The following PHACTR2 variants were observed in gnomAD, a reference collection of about 807,000 sequenced individuals.
PHACTR2 encodes the protein phosphatase and actin regulator 2.
Under a neutral mutation model 76.0 loss-of-function variants are expected in PHACTR2, and 30 were observed. The observed-to-expected ratio is 0.39, with a 90% confidence interval of 0.30 to 0.54. The LOEUF is 0.54. PHACTR2 is among the 20% of genes least tolerant of loss of function. The pLI, the probability that PHACTR2 is intolerant of heterozygous loss-of-function variation, is 0.61. For synonymous variants in PHACTR2, 292 were observed against 292.5 expected (o/e 1.00, Z 0.02); for missense variants, 696 against 781.1 (o/e 0.89, Z 1.30).
chr6:143,677,300 A>G (rs1003651071), upstream of PHACTR2, among the ~76,000 whole-genome samples: 1 of 152,134 alleles, frequency 6.6e-6, no homozygotes, highest in Non-Finnish European at 1.5e-5. Context: ...ATTTGTATTC[A>G]TATTTTTAAG....
intron 10 of PHACTR2, among the ~76,000 whole-genome samples, chr6:143,786,287 C>T (rs1775556255): frequency 6.6e-6 from 1 of 152,222 alleles, no homozygotes; most frequent in Non-Finnish European, 1.5e-5. Flanking sequence ...TTTGCTAAAA[C>T]ATAATAAGAG....
rs368126366 is a variant in PHACTR2 at position 143,760,433 on chromosome 6, G to A, written c.487G>A (p.Ala163Thr). 308 of 1,613,112 alleles carry A rather than the reference G, an allele frequency of 1.9e-4. 1 individual carries two copies. Among genetic ancestry groups the A allele is most frequent in the Non-Finnish European group, 2.5e-4 (291 of 1,179,480 alleles). The stretch of plus-strand genomic sequence containing the variant: ...TGAAAACCACTCTGAAACACCGGCA[G>A]CTCCTGCTCTACCTCCTTCTGCTCC... The part of the protein sequence containing the change: ...NTENHSETPA[A>T]PALPPSAPPK... Residue 163 changes from alanine (A) to threonine (T), a missense_variant, in exon 5 of 13, where the codon GCT becomes ACT. By Grantham distance (58) the Ala-to-Thr change is moderately conservative. Coordinates refer to ENST00000440869, the MANE Select transcript of PHACTR2 (RefSeq NM_001100164.2). This position sits in a 1 kb window ranked among gnomAD's most constrained non-coding sequence, Gnocchi z 6.4.
At position 143,803,416 on chromosome 6, in the gene PHACTR2, C is replaced by T. The variant is rs112033961; in HGVS notation, c.1846-3641C>T. On this transcript the variant is annotated intron_variant, in intron 11 of 12. Coordinates refer to ENST00000440869, the MANE Select transcript of PHACTR2 (RefSeq NM_001100164.2). This position sits in a 1 kb window ranked among gnomAD's most constrained non-coding sequence, Gnocchi z 4.7. ...ACAAAAAATTAGCCAGGCATGATGG[C>T]GCACACCTGTAGGCCCAGCCACTCA... Among the ~76,000 whole-genome samples the T allele has an allele frequency of 2.6e-4, 40 of 152,190 alleles. No individual in the cohort carries two copies. Among genetic ancestry groups the T allele is most frequent in the African/African-American group, 8.9e-4 (37 of 41,536 alleles).
chr6:143,565,636 A>G (rs1203912217), intron 1 of PHACTR2, among the ~76,000 whole-genome samples: 4 of 148,546 alleles, frequency 2.7e-5, no homozygotes, highest in African/African-American at 7.4e-5. Flanking sequence ...GTGCCAAAAA[A>G]TGGTGGGCAT....
intron 1 of PHACTR2, among the ~76,000 whole-genome samples, chr6:143,649,342 GA>G (rs1478017483): frequency 6.6e-6 from 1 of 152,186 alleles, no homozygotes; most frequent in Non-Finnish European, 1.5e-5. Context: ...CTAATTCTAT[GA>G]GGCCAGCATC....
rs1776621161 is a variant in PHACTR2 at position 143,829,716 on chromosome 6, C to T, written c.*6027C>T. 2 of 152,152 alleles carry T rather than the reference C, an allele frequency of 1.3e-5. No individual in the cohort carries two copies. The allele number at this position is 152,152 out of a possible 1,614,324, so 9.4% of individuals were successfully genotyped here. On this transcript the variant is annotated 3_prime_UTR_variant, in exon 13 of 13. Transcript: ENST00000440869. ...CATTACTTGGATGAACTGTGGCTAG[C>T]AAAATGGAATTAACTTAGCCACTAT...
In PHACTR2 at chr6:143,733,279, G is replaced by T. The variant is rs1311907680; in HGVS notation, c.215-15706G>T. Among the ~76,000 whole-genome samples, 1 of 151,932 alleles carries T rather than the reference G, an allele frequency of 6.6e-6. No homozygotes were observed. Among genetic ancestry groups the T allele is most frequent in the African/African-American group, 2.4e-5 (1 of 41,352 alleles). ...CTAACATCTATAAATTATTTCTATT[G>T]TTTGTTATCTGACCCCACTTCCTAG... On this transcript the variant is annotated intron_variant, in intron 2 of 12. Coordinates refer to ENST00000440869, the MANE Select transcript of PHACTR2 (RefSeq NM_001100164.2). The surrounding 1 kb of genome is among the most constrained non-coding windows in gnomAD (Gnocchi z 4.0).
Position 143,678,226 on chromosome 6 carries a change from C to T in PHACTR2, c.46+17C>T. The T allele has an allele frequency of 1.3e-6, 2 of 1,490,182 alleles. No homozygotes were observed. The highest frequency in any genetic ancestry group is 1.8e-6 in the Non-Finnish European group (2 of 1,120,464). 92.3% of individuals were successfully genotyped at this position (1,490,182 alleles called of 1,614,324 possible). A position where few individuals can be genotyped will look rare whatever the true frequency, so the allele number is the denominator to read the frequency against. ...CCGGCAGCGGTGAGTCCGGGGCGCACGCGATGCGCTCCCGCCGCGCGGGCG... is the reference window on the plus strand; with the variant it reads ...CCGGCAGCGGTGAGTCCGGGGCGCATGCGATGCGCTCCCGCCGCGCGGGCG... On this transcript the variant is annotated intron_variant, in intron 1 of 12. Coordinates refer to ENST00000440869, the MANE Select transcript of PHACTR2 (RefSeq NM_001100164.2). The surrounding 1 kb of genome is among the most constrained non-coding windows in gnomAD (Gnocchi z 6.2).
intron 1 of PHACTR2, among the ~76,000 whole-genome samples, chr6:143,594,187 A>G (rs892660596): frequency 1.3e-5 from 2 of 152,256 alleles, no homozygotes; most frequent in Non-Finnish European, 2.9e-5. Context: ...GGCTACATGT[A>G]TAAGGTGTAT....
chr6:143,763,220 G>A (rs1038921776), intron 5 of PHACTR2, among the ~76,000 whole-genome samples: 4 of 151,982 alleles, frequency 2.6e-5, no homozygotes, highest in South Asian at 2.1e-4. Context: ...TTACCCAGGC[G>A]TGGTGGTGGG....
chr6:143,554,293 C>A lies in PHACTR2; in HGVS notation c.217+17086C>A, dbSNP rs142736156. On this transcript the variant is annotated intron_variant, in intron 1 of 11. Coordinates refer to the PHACTR2 transcript ENST00000367584. The surrounding 1 kb of genome is among the most constrained non-coding windows in gnomAD (Gnocchi z 5.9). ...CATTTAAAAATGTCTTTACCTCCAA[C>A]AATTTGCTGTTAAAAAATTATTCGA... is the stretch of plus-strand genomic sequence containing the variant. 8.1e-4 allele frequency: 124 copies of A among 152,258 alleles called. No individual in the cohort carries two copies. The highest frequency in any genetic ancestry group is 2.9e-3 in the African/African-American group (121 of 41,552). 9.4% of individuals were successfully genotyped at this position (152,258 alleles called of 1,614,324 possible).
At position 143,721,691 on chromosome 6, in the gene PHACTR2, G is replaced by A. The variant is rs531948114; in HGVS notation, c.214+9508G>A. Among the ~76,000 whole-genome samples, 11 of 151,932 alleles carry A rather than the reference G, an allele frequency of 7.2e-5. No homozygotes were observed. The South Asian group carries it at 8.3e-4, about 11-fold the overall frequency. ...TGTGTGTGTATCTCCTAATTACATT[G>A]TTACATGATCATCCTTCCATCTTTT... is the stretch of plus-strand genomic sequence containing the variant. On this transcript the variant is annotated intron_variant, in intron 2 of 12. Coordinates refer to ENST00000440869, the MANE Select transcript of PHACTR2 (RefSeq NM_001100164.2).
Position 143,543,864 on chromosome 6 carries a change from C to T in PHACTR2, c.217+6657C>T, listed in dbSNP as rs1781195394. 6.6e-6 allele frequency among the ~76,000 whole-genome samples: 1 copy of T among 152,148 alleles called. No individual in the cohort carries two copies. The highest frequency in any genetic ancestry group is 1.5e-5 in the Non-Finnish European group (1 of 68,042). On this transcript the variant is annotated intron_variant, in intron 1 of 11. Transcript: ENST00000367584. This position sits in a 1 kb window ranked among gnomAD's most constrained non-coding sequence, Gnocchi z 4.7. ...TTCTGAGTATATTCTGACATGAACA[C>T]TGAAAGACAGAGACAATGGTAGAAA...
Position 143,553,954 on chromosome 6 carries a change from G to A in PHACTR2, c.217+16747G>A, listed in dbSNP as rs1225092651. On this transcript the variant is annotated intron_variant, in intron 1 of 11. Coordinates refer to the PHACTR2 transcript ENST00000367584. The surrounding 1 kb of genome is among the most constrained non-coding windows in gnomAD (Gnocchi z 4.2). ...TCCTTCCAGGCAGAGAGAAGAGCAAGGGCAAAGGCCCCAAGGAACAGAAAA... is the reference window on the plus strand; with the variant it reads ...TCCTTCCAGGCAGAGAGAAGAGCAAAGGCAAAGGCCCCAAGGAACAGAAAA... 2.6e-5 allele frequency among the ~76,000 whole-genome samples: 4 copies of A among 152,090 alleles called. No homozygotes were observed. The highest frequency in any genetic ancestry group is 5.9e-5 in the Non-Finnish European group (4 of 68,020).
At chr6:143,744,483 A>C (rs1234667436) in intron 2 of PHACTR2, among the ~76,000 whole-genome samples, 4 of 152,224 alleles carry the variant, frequency 2.6e-5, no homozygotes, top group Non-Finnish European at 5.9e-5. Context: ...CAGGGAAAGA[A>C]GAGATAAAGT....
Position 143,777,284 on chromosome 6 carries a change from G to A in PHACTR2, c.1590-44G>A, listed in dbSNP as rs1372537077. 4.8e-6 allele frequency: 5 copies of A among 1,038,554 alleles called. No homozygotes were observed. The highest frequency in any genetic ancestry group is 1.6e-5 in the African/African-American group (1 of 62,356). 64.3% of individuals were successfully genotyped at this position (1,038,554 alleles called of 1,614,324 possible). A position where few individuals can be genotyped will look rare whatever the true frequency, so the allele number is the denominator to read the frequency against. On this transcript the variant is annotated intron_variant, in intron 8 of 12. Coordinates refer to ENST00000440869, the MANE Select transcript of PHACTR2 (RefSeq NM_001100164.2). The surrounding 1 kb of genome is among the most constrained non-coding windows in gnomAD (Gnocchi z 4.6). The stretch of plus-strand genomic sequence containing the variant: ...GTTTTATTCTGAGTCTCCTACTAGG[G>A]TACCTTGTTTTTAACCTGTAATATA...
chr6:143,587,259 A>G (rs1374604291), intron 1 of PHACTR2, among the ~76,000 whole-genome samples: 1 of 152,236 alleles, frequency 6.6e-6, no homozygotes, highest in Non-Finnish European at 1.5e-5. Flanking sequence ...AGATTCATCA[A>G]ATGAATCTTC....
chr6:143,559,512 G>A (rs1272683348), intron 1 of PHACTR2, among the ~76,000 whole-genome samples: 1 of 152,036 alleles, frequency 6.6e-6, no homozygotes, highest in Non-Finnish European at 1.5e-5. Context: ...ATTCTTTCTG[G>A]ATCTGAAGTG....
rs1776971172 is a variant in PHACTR2 at position 143,663,121 on chromosome 6, A to G, written c.14-48895A>G. Among the ~76,000 whole-genome samples, 1 of 152,120 alleles carries G rather than the reference A, an allele frequency of 6.6e-6. No individual in the cohort carries two copies. Among genetic ancestry groups the G allele is most frequent in the Non-Finnish European group, 1.5e-5 (1 of 68,006 alleles). ...TCTAGCCAGGCCCCCACTAATGAGC[A>G]CCTAGGTTGATTCCATGTCTCTGCT... On this transcript the variant is annotated intron_variant, in intron 1 of 11. Coordinates refer to the PHACTR2 transcript ENST00000305766. The surrounding 1 kb of genome is among the most constrained non-coding windows in gnomAD (Gnocchi z 4.1).
Sources: gnomAD v4.1 joint callset for allele counts (sites outside exome capture counted in the v4.1 genomes callset) on GRCh38, gnomAD v4.1.1 for gene constraint, Gnocchi (gnomAD v3.1) non-coding constraint, MANE v1.5 for transcripts, NCBI Gene and HGNC (gene_info 2026-07-23, HGNC 2026-07-21) for gene names.